COL21A1: variants seen among roughly 807,000 people sequenced by gnomAD.
COL21A1 encodes the protein collagen alpha-1(XXI) chain.
A neutral mutation model predicts 137.9 loss-of-function variants in COL21A1; 149 were observed. The ratio of observed to expected loss-of-function variants is 1.08; its 90% CI spans 0.95 to 1.24. The LOEUF (loss-of-function observed/expected upper bound fraction) is 1.24, where lower values mean the gene tolerates loss of function less well. COL21A1 is among the 50% of genes most tolerant of loss of function. The pLI is 0.00. For missense variants in COL21A1, 1,167 were observed against 1,158.4 expected (o/e 1.01, Z -0.11); for synonymous variants, 456 against 391.5 (o/e 1.16, Z -1.95).
chr6:56,202,426 T>C (rs1282096702), intron 1 of COL21A1, among the ~76,000 whole-genome samples: 1 of 152,200 alleles, frequency 6.6e-6, no homozygotes, highest in Non-Finnish European at 1.5e-5. Flanking sequence ...GAGGACCACT[T>C]TGCCATTCTC....
chr6:56,198,774 C>T (rs1171431510), intron 1 of COL21A1, among the ~76,000 whole-genome samples: 2 of 152,084 alleles, frequency 1.3e-5, no homozygotes, highest in Non-Finnish European at 2.9e-5. Context: ...TCATTAGACA[C>T]TTTGCCTATA....
chr6:56,365,709 C>T (rs1184844903), intron 1 of COL21A1, among the ~76,000 whole-genome samples: 2 of 152,132 alleles, frequency 1.3e-5, no homozygotes, highest in Non-Finnish European at 2.9e-5. Flanking sequence ...ATAAAATGCT[C>T]CCACCATTCT....
intron 1 of COL21A1, among the ~76,000 whole-genome samples, chr6:56,292,399 C>A (rs192461073): frequency 7.1e-6 from 1 of 139,968 alleles, no homozygotes; most frequent in Admixed American, 7.6e-5. Context: ...GGACCCCCCC[C>A]CTCCCCCGCC....
At chr6:56,138,209 A>AT (rs903461931) in intron 12 of COL21A1, among the ~76,000 whole-genome samples, 3 of 151,692 alleles carry the variant, frequency 2.0e-5, no homozygotes, top group Non-Finnish European at 4.4e-5. Flanking sequence ...GAAGCAAAAT[A>AT]TTTTTTAGAA....
intron 1 of COL21A1, among the ~76,000 whole-genome samples, chr6:56,237,352 G>T (rs1160048563): frequency 6.6e-6 from 1 of 152,030 alleles, no homozygotes; most frequent in African/African-American, 2.4e-5. Flanking sequence ...TTTTTAAAAA[G>T]GAAAATGTTT....
At chr6:56,319,729 A>G (rs1764822610) in intron 1 of COL21A1, among the ~76,000 whole-genome samples, 1 of 152,152 alleles carries the variant, frequency 6.6e-6, no homozygotes, top group Non-Finnish European at 1.5e-5. Flanking sequence ...AGACTACCAA[A>G]TTTAAAAATC....
intron 22 of COL21A1, 91 bp from the exon 23 acceptor site, chr6:56,067,421 A>G: frequency 8.4e-7 from 1 of 1,187,248 alleles, no homozygotes; most frequent in Non-Finnish European, 1.2e-6. Flanking sequence ...AAGAAAAACA[A>G]CATCTCGTGC....
At chr6:56,202,621 C>T (rs544383335) in intron 1 of COL21A1, among the ~76,000 whole-genome samples, 3 of 152,300 alleles carry the variant, frequency 2.0e-5, no homozygotes, top group East Asian at 3.9e-4. Context: ...TAAGTGATCT[C>T]TTAACCACTA....
intron 1 of COL21A1, among the ~76,000 whole-genome samples, chr6:56,320,018 C>T (rs1764828455): frequency 6.6e-6 from 1 of 152,120 alleles, no homozygotes; most frequent in Non-Finnish European, 1.5e-5. Flanking sequence ...CTCCAGACTC[C>T]TGGGTGTCTA....
intron 1 of COL21A1, among the ~76,000 whole-genome samples, chr6:56,334,716 C>T (rs1380153252): frequency 1.3e-5 from 2 of 152,002 alleles, no homozygotes; most frequent in African/African-American, 4.8e-5. Context: ...ATGTAATTGC[C>T]AGTATAACAC....
chr6:56,165,770 A>G (rs1367710447), intron 7 of COL21A1, among the ~76,000 whole-genome samples: 1 of 152,214 alleles, frequency 6.6e-6, no homozygotes, highest in Non-Finnish European at 1.5e-5. Context: ...ATGACAACAT[A>G]ACTACACACA....
intron 17 of COL21A1, among the ~76,000 whole-genome samples, chr6:56,097,080 G>C (rs1054671746): frequency 6.6e-6 from 1 of 152,186 alleles, no homozygotes; most frequent in Middle Eastern, 3.4e-3. Context: ...CAGAAGAATT[G>C]TTTCCAGACA....
chr6:56,061,171 A>C lies in COL21A1; in HGVS notation c.2206-134T>G, dbSNP rs1446741880. 8 of 732,112 alleles carry C rather than the reference A, an allele frequency of 1.1e-5. 1 individual carries two copies. Among genetic ancestry groups the C allele is most frequent in the Non-Finnish European group, 1.7e-5 (8 of 477,076 alleles). 45.4% of individuals were successfully genotyped at this position (732,112 alleles called of 1,614,324 possible). On this transcript the variant is annotated intron_variant, in intron 25 of 29. Transcript: ENST00000244728. ...TGTAAGGTATGTAAGGAATAGCCGG[A>C]AATATTGTCATTGACCAGAAGGGAA...
chr6:56,328,737 T>C (rs1056691356), intron 1 of COL21A1, among the ~76,000 whole-genome samples: 3 of 152,102 alleles, frequency 2.0e-5, no homozygotes, highest in African/African-American at 7.2e-5. Flanking sequence ...TATTACAGCA[T>C]GTTTTCCCAC....
chr6:56,369,157 C>T (rs886801144), intron 1 of COL21A1, among the ~76,000 whole-genome samples: 2 of 151,910 alleles, frequency 1.3e-5, no homozygotes, highest in African/African-American at 2.4e-5. Context: ...CAATTCAAAA[C>T]ACTTAAGTAA....
At chr6:56,099,732 T>A (rs1770279034) in intron 17 of COL21A1, among the ~76,000 whole-genome samples, 1 of 151,884 alleles carries the variant, frequency 6.6e-6, no homozygotes, top group African/African-American at 2.4e-5. Context: ...CATAAACAAA[T>A]AATCACACCC....
At chr6:56,255,404 T>G (rs944796344) in intron 1 of COL21A1, among the ~76,000 whole-genome samples, 2 of 151,720 alleles carry the variant, frequency 1.3e-5, no homozygotes, top group Non-Finnish European at 2.9e-5. Flanking sequence ...TGCCCCAGTC[T>G]AATTGCATAG....
chr6:56,092,994 T>C (rs1768982943), intron 17 of COL21A1, among the ~76,000 whole-genome samples: 1 of 152,138 alleles, frequency 6.6e-6, no homozygotes, highest in Non-Finnish European at 1.5e-5. Flanking sequence ...TTAGCCACCA[T>C]GGTCTCATTA....
intron 1 of COL21A1, among the ~76,000 whole-genome samples, chr6:56,324,307 C>T (rs917335043): frequency 2.6e-5 from 4 of 152,044 alleles, no homozygotes; most frequent in Non-Finnish European, 5.9e-5. Context: ...CCTTTCCTTC[C>T]CTTAGACTAA....
Sources: allele counts gnomAD v4.1 joint callset (sites outside exome capture counted in the v4.1 genomes callset), GRCh38; gene constraint gnomAD v4.1.1; transcripts MANE v1.5; gene names NCBI Gene and HGNC (gene_info 2026-07-23, HGNC 2026-07-21).